ASTN2: variants seen among roughly 807,000 people sequenced by gnomAD.
ASTN2 encodes astrotactin-2.
ASTN2 carries 54 observed loss-of-function variants against 139.8 expected under a neutral mutation model. The observed-to-expected ratio is 0.39, with a 90% confidence interval of 0.31 to 0.48. ASTN2 has a LOEUF of 0.48. ASTN2 is among the 20% of genes least tolerant of loss of function. The probability of loss-of-function intolerance (pLI) is 0.95; values close to 1 mark genes in which losing one functional copy is unlikely to be tolerated. For synonymous variants in ASTN2, 756 were observed against 719.5 expected, an observed-to-expected ratio of 1.05 and a Z score of -0.81; for missense variants, 1,565 against 1,725.1, an observed-to-expected ratio of 0.91 and a Z score of 1.64.
chr9:116,536,141 A>G (rs1435591545), intron 19 of ASTN2, among the ~76,000 whole-genome samples: 3 of 151,800 alleles, frequency 2.0e-5, no homozygotes, highest in Non-Finnish European at 2.9e-5. Context: ...CTTCCAGCTG[A>G]TCAAATCGGC....
At chr9:116,981,596 T>G (rs148614453) in intron 7 of ASTN2, among the ~76,000 whole-genome samples, 1,713 of 152,324 alleles carry the variant, frequency 0.011, 32 homozygotes, top group African/African-American at 0.031. Flanking sequence ...CCAGCCAGGA[T>G]GGAAACCCAG....
At chr9:116,885,757 C>T (rs1038708338) in intron 10 of ASTN2, among the ~76,000 whole-genome samples, 10 of 152,166 alleles carry the variant, frequency 6.6e-5, no homozygotes, top group Non-Finnish European at 1.2e-4. Flanking sequence ...ACTTAACACA[C>T]AAATTGTGAG....
rs191396239 is a variant in ASTN2 at position 116,899,504 on chromosome 9, A to G, written c.1890-35771T>C. ...ATGAACCATCCTTTGCAAAATTATAACAGTGAGAAAAACCCAACATAGGAG... is the reference window on the plus strand; with the variant it reads ...ATGAACCATCCTTTGCAAAATTATAGCAGTGAGAAAAACCCAACATAGGAG... On this transcript the variant is annotated intron_variant, in intron 10 of 22. Transcript: ENST00000313400. Among the ~76,000 whole-genome samples, 87 of 152,322 alleles carry G rather than the reference A, an allele frequency of 5.7e-4. No individual in the cohort carries two copies. In the East Asian group the frequency reaches 6.2e-3, roughly 11 times the overall value.
chr9:117,181,003 A>T lies in ASTN2; in HGVS notation c.1015+33355T>A. ...CTGGGGCTTTCCAAAGGCACCTCGC[A>T]TGCCTGTTTGGAGCCTGCACTGGGG... On this transcript the variant is annotated intron_variant, in intron 3 of 22. Transcript: ENST00000313400. The T allele has an allele frequency of 3.8e-6, 6 of 1,595,964 alleles. No individual in the cohort carries two copies. The South Asian group carries it at 6.6e-5, about 18-fold the overall frequency.
At chr9:116,480,361 T>C (rs1286686358) in intron 20 of ASTN2, among the ~76,000 whole-genome samples, 2 of 152,078 alleles carry the variant, frequency 1.3e-5, no homozygotes, top group Non-Finnish European at 2.9e-5. Flanking sequence ...AGAAAGTGAG[T>C]AGGAAATTTT....
At chr9:116,784,216 G>A (rs1830300826) in intron 13 of ASTN2, among the ~76,000 whole-genome samples, 1 of 152,132 alleles carries the variant, frequency 6.6e-6, no homozygotes, top group African/African-American at 2.4e-5. Flanking sequence ...CTTTTCTCCT[G>A]AACAATTCAA....
At chr9:116,788,698 A>G (rs1830445966) in intron 13 of ASTN2, among the ~76,000 whole-genome samples, 1 of 152,164 alleles carries the variant, frequency 6.6e-6, no homozygotes, top group Admixed American at 6.5e-5. Flanking sequence ...TGGTCCTCCA[A>G]TGTCTAACTC....
intron 16 of ASTN2, among the ~76,000 whole-genome samples, chr9:116,666,765 T>G (rs1169920420): frequency 6.6e-6 from 1 of 151,836 alleles, no homozygotes; most frequent in African/African-American, 2.4e-5. Context: ...AGAAACAAAT[T>G]AAACAACACC....
intron 13 of ASTN2, among the ~76,000 whole-genome samples, chr9:116,760,599 C>T (rs1442844185): frequency 2.0e-5 from 3 of 152,254 alleles, no homozygotes; most frequent in South Asian, 2.1e-4. Context: ...GGGAAGCAAA[C>T]CTGGTAGTGT....
chr9:117,355,429 G>T (rs995164897), intron 1 of ASTN2, among the ~76,000 whole-genome samples: 1 of 152,036 alleles, frequency 6.6e-6, no homozygotes, highest in African/African-American at 2.4e-5. Flanking sequence ...TTTCAGTAAC[G>T]CTGTGTGCTG....
chr9:116,432,140 A>T (rs187330094), intron 22 of ASTN2, among the ~76,000 whole-genome samples: 1 of 152,272 alleles, frequency 6.6e-6, no homozygotes, highest in Admixed American at 6.5e-5. Flanking sequence ...CTTCACAACA[A>T]AATTTGCTGT....
intron 13 of ASTN2, among the ~76,000 whole-genome samples, chr9:116,757,882 C>T (rs1242897722): frequency 2.0e-5 from 3 of 152,072 alleles, no homozygotes; most frequent in Non-Finnish European, 4.4e-5. Flanking sequence ...TTAACAAATT[C>T]TTAATTTGTT....
At chr9:117,113,774 G>A (rs1829308335) in intron 4 of ASTN2, among the ~76,000 whole-genome samples, 1 of 152,134 alleles carries the variant, frequency 6.6e-6, no homozygotes, top group Non-Finnish European at 1.5e-5. Flanking sequence ...ACTACATACT[G>A]TGTGAGTCCA....
At chr9:117,118,299 A>AT (rs1199768522) in intron 4 of ASTN2, among the ~76,000 whole-genome samples, 1 of 152,036 alleles carries the variant, frequency 6.6e-6, no homozygotes, top group African/African-American at 2.4e-5. Context: ...AGTTGCCCCC[A>AT]TCCTAGATCT....
intron 19 of ASTN2, among the ~76,000 whole-genome samples, chr9:116,502,330 G>GGA (rs1342005458): frequency 4.0e-5 from 6 of 151,122 alleles, no homozygotes; most frequent in African/African-American, 1.5e-4. Flanking sequence ...CACAGAGAGA[G>GGA]GAGAGAGAGA....
intron 10 of ASTN2, among the ~76,000 whole-genome samples, chr9:116,956,373 A>T (rs1381583991): frequency 6.7e-6 from 1 of 149,442 alleles, no homozygotes; most frequent in Non-Finnish European, 1.5e-5. Flanking sequence ...GGCTGGGATT[A>T]CAGGCATGAG....
At chr9:116,511,649 G>A (rs1418105160) in intron 19 of ASTN2, among the ~76,000 whole-genome samples, 2 of 152,056 alleles carry the variant, frequency 1.3e-5, no homozygotes, top group Non-Finnish European at 2.9e-5. Context: ...TTTTTTGGTT[G>A]GTAGGCTATT....
At chr9:117,179,896 C>T (rs985824149) in intron 3 of ASTN2, among the ~76,000 whole-genome samples, 2 of 152,182 alleles carry the variant, frequency 1.3e-5, no homozygotes. Flanking sequence ...ATTACCCTCC[C>T]TATTCAAGGA....
chr9:116,609,351 C>CAT (rs1281656973), intron 19 of ASTN2, among the ~76,000 whole-genome samples: 3 of 122,476 alleles, frequency 2.4e-5, no homozygotes, highest in Non-Finnish European at 5.1e-5. Flanking sequence ...CACACACACA[C>CAT]ATATATACAT....
Sources: allele counts gnomAD v4.1 joint callset (sites outside exome capture counted in the v4.1 genomes callset), GRCh38; gene constraint gnomAD v4.1.1; transcripts MANE v1.5; gene names NCBI Gene and HGNC (gene_info 2026-07-23, HGNC 2026-07-21).